Variants in DNM3 observed in about 807,000 individuals in gnomAD.
DNM3 encodes the protein dynamin-3.
Under a neutral mutation model 101.6 loss-of-function variants are expected in DNM3, and 47 were observed. That is an observed-to-expected ratio of 0.46 (90% CI 0.37 to 0.59). The LOEUF is 0.59. DNM3 is among the 20% of genes least tolerant of loss of function. The pLI is 0.00. For synonymous variants in DNM3, 385 were observed against 387.9 expected (o/e 0.99, Z 0.09); for missense variants, 849 against 1,085.7 (o/e 0.78, Z 3.06).
At chr1:171,903,575 AAG>A (rs2038563198) in intron 1 of DNM3, among the ~76,000 whole-genome samples, 1 of 152,210 alleles carries the variant, frequency 6.6e-6, no homozygotes, top group Admixed American at 6.5e-5. Flanking sequence ...GTACAGGTAA[AAG>A]AGAGTTCAGT....
At chr1:172,363,528 T>C (rs1240126367) in intron 17 of DNM3, among the ~76,000 whole-genome samples, 3 of 151,914 alleles carry the variant, frequency 2.0e-5, no homozygotes, top group African/African-American at 7.2e-5. Context: ...ACTGGTTACC[T>C]CTCCATTTTT....
chr1:172,239,474 A>C (rs1436222139), intron 14 of DNM3, among the ~76,000 whole-genome samples: 1 of 152,170 alleles, frequency 6.6e-6, no homozygotes, highest in Non-Finnish European at 1.5e-5. Context: ...TATCACCTCC[A>C]TACAGGGAGA....
intron 1 of DNM3, among the ~76,000 whole-genome samples, chr1:171,894,953 C>T (rs1428481703): frequency 1.3e-5 from 2 of 152,138 alleles, no homozygotes; most frequent in East Asian, 3.8e-4. Flanking sequence ...TATGTGCCTG[C>T]AAAGGACATG....
At chr1:172,386,923 CAAA>C in intron 18 of DNM3, 1 of 515,798 alleles carries the variant, frequency 1.9e-6, no homozygotes, top group Non-Finnish European at 3.5e-6. Context: ...TGTGGACAGC[CAAA>C]AGACAGAGGG....
chr1:171,843,269 C>G (rs753037070), intron 1 of DNM3, among the ~76,000 whole-genome samples: 1 of 152,066 alleles, frequency 6.6e-6, no homozygotes, highest in East Asian at 1.9e-4. Context: ...AATCACTACA[C>G]CTCATTTTTA....
chr1:172,259,715 G>A (rs1408281444), intron 15 of DNM3, among the ~76,000 whole-genome samples: 3 of 152,006 alleles, frequency 2.0e-5, no homozygotes, highest in Non-Finnish European at 2.9e-5. Flanking sequence ...TATTTTTTAA[G>A]TGCAAAGTTT....
intron 4 of DNM3, among the ~76,000 whole-genome samples, chr1:171,999,520 A>G (rs920308340): frequency 1.5e-4 from 23 of 152,100 alleles, no homozygotes; most frequent in Non-Finnish European, 2.8e-4. Flanking sequence ...TCAAGAGCAG[A>G]GTTTCAAGCT....
chr1:172,252,925 C>G (rs1010684636), intron 14 of DNM3, among the ~76,000 whole-genome samples: 5 of 152,040 alleles, frequency 3.3e-5, no homozygotes, highest in African/African-American at 1.2e-4. Flanking sequence ...GAATTTTTCC[C>G]CAAAGAGCTC....
chr1:171,904,457 A>T (rs1037252910), intron 1 of DNM3, among the ~76,000 whole-genome samples: 2 of 152,206 alleles, frequency 1.3e-5, no homozygotes, highest in African/African-American at 4.8e-5. Context: ...ATTCCCAAGG[A>T]AGGTAAATAG....
At chr1:172,256,917 T>TC (rs1282628915) in intron 15 of DNM3, among the ~76,000 whole-genome samples, 2 of 151,760 alleles carry the variant, frequency 1.3e-5, no homozygotes, top group Non-Finnish European at 2.9e-5. Flanking sequence ...TTTTTTTTTT[T>TC]TGAGCTATTT....
intron 14 of DNM3, among the ~76,000 whole-genome samples, chr1:172,217,307 C>T (rs1015745524): frequency 6.6e-6 from 1 of 152,146 alleles, no homozygotes; most frequent in African/African-American, 2.4e-5. Flanking sequence ...GGAGCAACAG[C>T]ACTAAAAAGC....
At chr1:172,265,568 C>T (rs922921237) in intron 15 of DNM3, among the ~76,000 whole-genome samples, 31 of 152,148 alleles carry the variant, frequency 2.0e-4, no homozygotes, top group African/African-American at 6.5e-4. Flanking sequence ...TAATTATAAA[C>T]TGAAAGTTAA....
chr1:172,205,371 C>T (rs111526249), intron 14 of DNM3, among the ~76,000 whole-genome samples: 25 of 152,174 alleles, frequency 1.6e-4, no homozygotes, highest in African/African-American at 5.5e-4. Context: ...ACTTTTTAGT[C>T]TCAGGATCTG....
At chr1:171,953,748 C>T (rs542320726) in intron 2 of DNM3, among the ~76,000 whole-genome samples, 2 of 152,194 alleles carry the variant, frequency 1.3e-5, no homozygotes, top group African/African-American at 4.8e-5. Context: ...ATTTACAATA[C>T]ATCATTTTCT....
At chr1:172,359,283 C>T (rs970439421) in intron 17 of DNM3, among the ~76,000 whole-genome samples, 1 of 151,980 alleles carries the variant, frequency 6.6e-6, no homozygotes, top group African/African-American at 2.4e-5. Flanking sequence ...GTCTGAATTG[C>T]TTTGGGGCTG....
chr1:171,963,396 A>T (rs2043344816), intron 2 of DNM3, among the ~76,000 whole-genome samples: 1 of 152,122 alleles, frequency 6.6e-6, no homozygotes, highest in Admixed American at 6.6e-5. Context: ...GAATAGGTGG[A>T]TCTCAGAGGA....
intron 17 of DNM3, among the ~76,000 whole-genome samples, chr1:172,376,790 T>C (rs923926291): frequency 1.3e-5 from 2 of 152,098 alleles, no homozygotes; most frequent in Non-Finnish European, 2.9e-5. Context: ...TTACTGATTA[T>C]TTACTAAAGC....
At chr1:171,972,859 C>CAAAA (rs71814709) in intron 2 of DNM3, among the ~76,000 whole-genome samples, 3 of 118,706 alleles carry the variant, frequency 2.5e-5, no homozygotes, top group Admixed American at 2.0e-4. Flanking sequence ...CAAAAACAAA[C>CAAAA]AAAAAACAAA....
intron 15 of DNM3, among the ~76,000 whole-genome samples, chr1:172,275,301 T>C (rs907591339): frequency 1.3e-5 from 2 of 152,068 alleles, no homozygotes; most frequent in African/African-American, 4.8e-5. Flanking sequence ...ATACAGATGA[T>C]AGAACATACA....
Sources: gnomAD v4.1 joint callset for allele counts (sites outside exome capture counted in the v4.1 genomes callset) on GRCh38, gnomAD v4.1.1 for gene constraint, MANE v1.5 for transcripts, NCBI Gene and HGNC (gene_info 2026-07-23, HGNC 2026-07-21) for gene names.